The following FLG variants were observed in gnomAD, a reference collection of about 807,000 sequenced individuals.
FLG encodes the protein epidermal filaggrin.
Under a neutral mutation model 3.8 loss-of-function variants are expected in FLG, and 6 were observed. The observed-to-expected ratio is 1.60, with a 90% CI of 0.87 to 3.15. The LOEUF is 3.15. Ranked by LOEUF, FLG falls within the 30% of genes most tolerant of loss-of-function variation. The probability of loss-of-function intolerance (pLI) is 0.00; values close to 1 mark genes in which losing one functional copy is unlikely to be tolerated. For missense variants in FLG, 7,595 were observed against 5,050.9 expected (o/e 1.50, Z -15.27); for synonymous variants, 2,551 against 1,931.6 (o/e 1.32, Z -8.41).
chr1:152,307,506 G>A lies in FLG; in HGVS notation c.7380C>T (p.Asp2460=). 4 of 1,613,350 alleles carry A rather than the reference G, an allele frequency of 2.5e-6. No homozygotes were observed. Among genetic ancestry groups the A allele is most frequent in the Non-Finnish European group, 2.5e-6 (3 of 1,179,794 alleles). ...TTGACCCCGGGTGTCCATGAATGGT[G>A]TCCTGACCCTCTTGGGACGTTGAGT... ...SRHSTSQEGQ[D]TIHGHPGSSS... Residue 2460 remains aspartate, a synonymous_variant, in exon 3 of 3, where the codon GAC becomes GAT. Coordinates refer to ENST00000368799, the MANE Select transcript of FLG (RefSeq NM_002016.2).
At position 152,303,404 on chromosome 1, in the gene FLG, A is replaced by G. The variant is rs1379204636; in HGVS notation, c.11482T>C (p.Ser3828Pro). Residue 3828 changes from serine (S) to proline (P), a missense_variant, in exon 3 of 3, where the codon TCG becomes CCG. Coordinates refer to ENST00000368799, the MANE Select transcript of FLG (RefSeq NM_002016.2). The part of the protein sequence containing the change: ...QSGDGSRHSG[S>P]RHHEASTQAD... ...TGAGTGGAAGCTTCATGGTGACGCG[A>G]CCCTGAGTGCCTGGAGCCGTCTCCT... 1.9e-6 allele frequency: 3 copies of G among 1,613,620 alleles called. No homozygotes were observed. The highest frequency in any genetic ancestry group is 3.3e-4 in the Middle Eastern group (2 of 6,084).
rs1057393468 is a variant in FLG at position 152,312,493 on chromosome 1, C to T, written c.2393G>A (p.Ser798Asn). The T allele has an allele frequency of 1.2e-6, 2 of 1,613,480 alleles. No individual in the cohort carries two copies. The highest frequency in any genetic ancestry group is 2.7e-5 in the African/African-American group (2 of 74,682). ...RRSGSFLYQV[S>N]THKQSESSHG... ...GGAGGACTCAGACTGTTTATGAGTG[C>T]TCACCTGGTAGAGGAAAGACCCTGA... Residue 798 changes from serine (S) to asparagine (N), a missense_variant, in exon 3 of 3, where the codon AGC becomes AAC. Ser to Asn is a conservative substitution (Grantham distance 46). Coordinates refer to ENST00000368799, the MANE Select transcript of FLG (RefSeq NM_002016.2).
At position 152,310,019 on chromosome 1, in the gene FLG, G is replaced by C. The variant is rs78982044; in HGVS notation, c.4867C>G (p.Arg1623Gly). The C allele has an allele frequency of 2.5e-6, 4 of 1,613,744 alleles. No homozygotes were observed. The highest frequency in any genetic ancestry group is 2.5e-6 in the Non-Finnish European group (3 of 1,179,968). The part of the protein sequence containing the change: ...SASRNHYGSA[R>G]EQSRHGSRNP... ...CTGGAGCCATGTCTTGACTGCTCCCGAGCAGATCCATAATGGTTTCTGGAA... is the reference window on the plus strand; with the variant it reads ...CTGGAGCCATGTCTTGACTGCTCCCCAGCAGATCCATAATGGTTTCTGGAA... Residue 1623 changes from arginine to glycine, a missense_variant, in exon 3 of 3, where the codon CGG (arginine) becomes GGG (glycine). Coordinates refer to ENST00000368799, the MANE Select transcript of FLG (RefSeq NM_002016.2).
At chr1:152,318,432 A>G (rs534467130) in intron 1 of FLG, among the ~76,000 whole-genome samples, 19 of 151,556 alleles carry the variant, frequency 1.3e-4, no homozygotes, top group Non-Finnish European at 2.4e-4. Flanking sequence ...TTTTTCTTGG[A>G]TCTCATGACA....
rs141241616 is a variant in FLG, at chr1:152,307,392, C to G, written c.7494G>C (p.Gln2498His). Residue 2498 changes from glutamine to histidine, a missense_variant, in exon 3 of 3, where the codon CAG becomes CAC. Gln to His is a conservative substitution (Grantham distance 24). Coordinates refer to ENST00000368799, the MANE Select transcript of FLG (RefSeq NM_002016.2). Reference protein sequence around the residue: ...SGSHHSHTTSQGRSDASHGHS... With the variant: ...SGSHHSHTTSHGRSDASHGHS... ...GCCCATGGGAGGCATCAGACCTTCC[C>G]TGGGATGTGGTGTGGCTGTGATGAG... 2 of 1,613,272 alleles carry G rather than the reference C, an allele frequency of 1.2e-6. No homozygotes were observed. Among genetic ancestry groups the G allele is most frequent in the Non-Finnish European group, 1.7e-6 (2 of 1,179,706 alleles).
In FLG at chr1:152,307,204, C is replaced by T; in HGVS notation, c.7682G>A (p.Arg2561Lys). 6.2e-7 allele frequency: 1 copy of T among 1,612,888 alleles called. No individual in the cohort carries two copies. Among genetic ancestry groups the T allele is most frequent in the Non-Finnish European group, 8.5e-7 (1 of 1,179,978 alleles). Reference protein sequence around the residue: ...QGQSEGPRTSRNWGSSFSQDS... With the variant: ...QGQSEGPRTSKNWGSSFSQDS... ...CTGGCTAAAACTGGATCCCCAGTTC[C>T]TGCTTGTCCTGGGCCCCTCTGATTG... is the stretch of plus-strand genomic sequence containing the variant. Residue 2561 changes from arginine to lysine, a missense_variant, in exon 3 of 3, where the codon AGG (arginine) becomes AAG (lysine). Transcript: ENST00000368799.
chr1:152,317,137 G>T (rs904152096), intron 1 of FLG, among the ~76,000 whole-genome samples: 2 of 152,036 alleles, frequency 1.3e-5, no homozygotes, highest in African/African-American at 4.8e-5. Context: ...TGCTTTTGCA[G>T]TTGCCTACTT....
Position 152,304,416 on chromosome 1 carries a change from A to G in FLG, c.10470T>C (p.Arg3490=), listed in dbSNP as rs745840633. 4 of 1,611,234 alleles carry G rather than the reference A, an allele frequency of 2.5e-6. No homozygotes were observed. Among genetic ancestry groups the G allele is most frequent in the Admixed American group, 3.3e-5 (2 of 59,770 alleles). The change falls in exon 3 of 3, where the codon CGT becomes CGC. Residue 3490 remains arginine (R), a synonymous_variant. Transcript: ENST00000368799. ...AGCCATCTCCTGATTGTTCGTCATT[A>G]CGAGTTTGTCTGCTGGCACTTCTGG... ...SGSRSASRQT[R]NDEQSGDGSR...
chr1:152,303,517 T>C lies in FLG; in HGVS notation c.11369A>G (p.His3790Arg). Residue 3790 changes from histidine to arginine, a missense_variant, in exon 3 of 3, where the codon CAC (histidine) becomes CGC (arginine). Physicochemically the swap from His to Arg is conservative, Grantham distance 29 (BLOSUM62 0). Transcript: ENST00000368799. ...ATCAGACCTTCCCTGGGATGTGGTG[T>C]GGCTGTGATGGGACCCTGAGTGTCC... ...RSGHSGSHHS[H>R]TTSQGRSDAS... 1 of 1,614,102 alleles carries C rather than the reference T, an allele frequency of 6.2e-7. No individual in the cohort carries two copies. Among genetic ancestry groups the C allele is most frequent in the Non-Finnish European group, 8.5e-7 (1 of 1,180,026 alleles).
rs1652549818 is a variant in FLG, at chr1:152,312,784, C to G, written c.2102G>C (p.Arg701Thr). 6.2e-7 allele frequency: 1 copy of G among 1,614,022 alleles called. No individual in the cohort carries two copies. The highest frequency in any genetic ancestry group is 1.1e-5 in the South Asian group (1 of 91,068). ...GQAASSHEQA[R>T]SSAGERHGSR... ...TCCATGTCTTTCTCCTGCACTTGAT[C>G]TTGCCTGTTCATGGGATGACGCAGC... The change falls in exon 3 of 3, where the codon AGA (arginine) becomes ACA (threonine). Residue 701 changes from arginine (R) to threonine (T), a missense_variant. Arg to Thr is a moderately conservative substitution (Grantham distance 71). Coordinates refer to ENST00000368799, the MANE Select transcript of FLG (RefSeq NM_002016.2).
rs1254932280 is a variant in FLG at position 152,305,180 on chromosome 1, A to G, written c.9706T>C (p.Ser3236Pro). The G allele has an allele frequency of 1.2e-6, 2 of 1,613,470 alleles. No homozygotes were observed. The highest frequency in any genetic ancestry group is 1.7e-6 in the Non-Finnish European group (2 of 1,179,898). Residue 3236 changes from serine (S) to proline (P), a missense_variant, in exon 3 of 3, where the codon TCC becomes CCC. By Grantham distance (74) the Ser-to-Pro change is moderately conservative. Transcript: ENST00000368799. ...TGAACAGATCCACGATGGTTTCTGGAAGCAGACCCAGACCACCTCTCAGAG... is the reference window on the plus strand; with the variant it reads ...TGAACAGATCCACGATGGTTTCTGGGAGCAGACCCAGACCACCTCTCAGAG... ...EDSERWSGSA[S>P]RNHRGSVQEQ...
Position 152,308,709 on chromosome 1 carries a change from C to A in FLG, c.6177G>T (p.Val2059=). Residue 2059 remains valine, a synonymous_variant, in exon 3 of 3, where the codon GTG becomes GTT. Coordinates refer to ENST00000368799, the MANE Select transcript of FLG (RefSeq NM_002016.2). The stretch of plus-strand genomic sequence containing the variant: ...GGGGCCCAGCTTTTCCCTGTGCTGA[C>A]ACTGACTGTGTGTCTGAGTCTTCTG... The part of the protein sequence containing the change: ...GHSEDSDTQS[V]SAQGKAGPHQ... The A allele has an allele frequency of 1.9e-6, 3 of 1,614,166 alleles. No homozygotes were observed. The highest frequency in any genetic ancestry group is 1.3e-5 in the African/African-American group (1 of 75,044).
intron 1 of FLG, among the ~76,000 whole-genome samples, chr1:152,315,877 G>A (rs1052943858): frequency 1.3e-5 from 2 of 152,172 alleles, no homozygotes; most frequent in East Asian, 1.9e-4. Context: ...CTTAATAAAT[G>A]ATTAATTTGC....
In FLG at chr1:152,302,946, A is replaced by AC; in HGVS notation, c.11939dup (p.Ser3981Ter). On this transcript the variant is annotated frameshift_variant, in exon 3 of 3. Coordinates refer to ENST00000368799, the MANE Select transcript of FLG (RefSeq NM_002016.2). LOFTEE classifies it low-confidence loss of function (END_TRUNC). ...ATTCACCATAATCATAATCTGCACTACCATAGCTGCCATGTCTCCAAACTA... is the reference window on the plus strand; with the variant it reads ...ATTCACCATAATCATAATCTGCACTACCCATAGCTGCCATGTCTCCAAACTA... The AC allele has an allele frequency of 6.2e-7, 1 of 1,614,166 alleles. No homozygotes were observed. Among genetic ancestry groups the AC allele is most frequent in the Non-Finnish European group, 8.5e-7 (1 of 1,180,018 alleles).
In FLG at chr1:152,309,209, C is replaced by T. The variant is rs780992659; in HGVS notation, c.5677G>A (p.Asp1893Asn). 45 of 1,613,414 alleles carry T rather than the reference C, an allele frequency of 2.8e-5. No individual in the cohort carries two copies. The highest frequency in any genetic ancestry group is 2.7e-5 in the African/African-American group (2 of 74,746). Residue 1893 changes from aspartate to asparagine, a missense_variant, in exon 3 of 3, where the codon GAC becomes AAC. By Grantham distance (23) the Asp-to-Asn change is conservative. Coordinates refer to ENST00000368799, the MANE Select transcript of FLG (RefSeq NM_002016.2). Reference protein sequence around the residue: ...SRHHEASSRADSSRHSQVGQG... With the variant: ...SRHHEASSRANSSRHSQVGQG... The stretch of plus-strand genomic sequence containing the variant: ...CCCACCTGCGAGTGTCTAGAGCTGT[C>T]GGCCCGAGAGGAAGCTTCATGGTGA...
chr1:152,308,527 T>A lies in FLG; in HGVS notation c.6359A>T (p.Asp2120Val), dbSNP rs1652145383. The change falls in exon 3 of 3, where the codon GAT (aspartate) becomes GTT (valine). Residue 2120 changes from aspartate to valine, a missense_variant. Physicochemically the swap from Asp to Val is radical, Grantham distance 152. Transcript: ENST00000368799. The stretch of plus-strand genomic sequence containing the variant: ...GTGCCTGGAGCTGTCTTGTGCCTGA[T>A]CATAATGGGATCCTTGTCTTCCTCC... ...STGGRQGSHYDQAQDSSRHSA... is the reference protein window; with the variant it reads ...STGGRQGSHYVQAQDSSRHSA... The A allele has an allele frequency of 3.7e-6, 6 of 1,613,636 alleles. No homozygotes were observed. The highest frequency in any genetic ancestry group is 5.1e-6 in the Non-Finnish European group (6 of 1,179,702).
chr1:152,321,172 T>C (rs540004426), intron 1 of FLG, among the ~76,000 whole-genome samples: 5 of 150,902 alleles, frequency 3.3e-5, no homozygotes, highest in African/African-American at 1.2e-4. Flanking sequence ...TCAATCACTG[T>C]TATCATTTTT....
chr1:152,314,782 C>A, intron 2 of FLG, 35 bp from the exon 3 acceptor site: 2 of 1,613,006 alleles, frequency 1.2e-6, no homozygotes, highest in African/African-American at 1.3e-5. Flanking sequence ...GAGACTGCAT[C>A]AGACAGAATC....
Position 152,304,487 on chromosome 1 carries a change from T to C in FLG, c.10399A>G (p.Thr3467Ala), listed in dbSNP as rs772976523. The C allele has an allele frequency of 5.0e-6, 8 of 1,612,760 alleles. No homozygotes were observed. The Admixed American group carries it at 5.0e-5, about 10-fold the overall frequency. Reference protein sequence around the residue: ...SGHSGSHHSHTTSQGRSDASR... With the variant: ...SGHSGSHHSHATSQGRSDASR... ...GCATCAGACCTTCCCTGGGATGTGG[T>C]GTGGCTGTGATGGGACCCTGAGTGT... Residue 3467 changes from threonine (T) to alanine (A), a missense_variant, in exon 3 of 3, where the codon ACC becomes GCC. Thr to Ala is a moderately conservative substitution (Grantham distance 58). Coordinates refer to ENST00000368799, the MANE Select transcript of FLG (RefSeq NM_002016.2).
Sources: allele counts gnomAD v4.1 joint callset (sites outside exome capture counted in the v4.1 genomes callset), GRCh38; gene constraint gnomAD v4.1.1; transcripts MANE v1.5; gene names NCBI Gene and HGNC (gene_info 2026-07-23, HGNC 2026-07-21).